Variants in HUWE1 observed in about 807,000 individuals in gnomAD.
HUWE1 encodes the protein HECT, UBA and WWE domain containing E3 ubiquitin protein ligase 1.
A neutral mutation model predicts 299.4 loss-of-function variants in HUWE1; 18 were observed. The ratio of observed to expected loss-of-function variants is 0.06; its 90% CI spans 0.04 to 0.09. HUWE1 has a LOEUF of 0.09. Among genes scored for constraint, HUWE1 ranks in the 10% least tolerant of loss-of-function variants. HUWE1 has a pLI of 1.00. For synonymous variants in HUWE1, 1,317 were observed against 1,286.1 expected, an observed-to-expected ratio of 1.02 and a Z score of -0.51; for missense variants, 1,832 against 3,462.3, an observed-to-expected ratio of 0.53 and a Z score of 11.82.
chrX:53,582,762 CTT>C (rs1294870292), intron 42 of HUWE1, among the ~76,000 whole-genome samples: 1 of 105,448 alleles, frequency 9.5e-6, no homozygotes. Context: ...CTGTTGTCTT[CTT>C]TTTTTTTTTC....
At chrX:53,566,117 A>ATGTATG (rs1556945627) in intron 49 of HUWE1, among the ~76,000 whole-genome samples, 2 of 54,310 alleles carry the variant, frequency 3.7e-5, no homozygotes, top group Admixed American at 2.8e-4. Context: ...GTATGTATGT[A>ATGTATG]TGTGTGTGTG....
intron 21 of HUWE1, among the ~76,000 whole-genome samples, chrX:53,616,531 A>C (rs1557007557): frequency 8.9e-6 from 1 of 111,845 alleles, no homozygotes; most frequent in Non-Finnish European, 1.9e-5. Flanking sequence ...TGAAAACTGT[A>C]ATCTTTCTGG....
At chrX:53,586,416 T>C in intron 39 of HUWE1, 74 bp downstream of exon 39, 1 of 648,526 alleles carries the variant, frequency 1.5e-6, no homozygotes, top group Non-Finnish European at 2.6e-6. Flanking sequence ...CACTACTCTC[T>C]CATATTCTCT....
At position 53,573,246 on chromosome X, in the gene HUWE1, G is replaced by GT. The variant is rs199608213; in HGVS notation, c.6312+503dup. On this transcript the variant is annotated intron_variant, in intron 47 of 83. Coordinates refer to ENST00000262854, the MANE Select transcript of HUWE1 (RefSeq NM_031407.7). ...ATGAAAAAAGGCCTAGCTCTTTCAG[G>GT]TTTTTTTTGAGACAGAGTTTTGCTC... Among the ~76,000 whole-genome samples the GT allele has an allele frequency of 7.8e-3, 863 of 110,894 alleles. 9 individuals carry two copies. Among genetic ancestry groups the GT allele is most frequent in the African/African-American group, 0.027 (821 of 30,494 alleles).
chrX:53,621,749 C>T (rs1180190884), intron 19 of HUWE1, among the ~76,000 whole-genome samples: 2 of 111,799 alleles, frequency 1.8e-5, no homozygotes, highest in Non-Finnish European at 3.8e-5. Context: ...ACAGAGAATG[C>T]CACCTACATA....
intron 32 of HUWE1, 121 bp from the exon 33 acceptor site, chrX:53,592,749 C>T: frequency 1.8e-6 from 1 of 549,708 alleles, no homozygotes; most frequent in Non-Finnish European, 3.1e-6. Flanking sequence ...AAATAATTGG[C>T]CAACATGAGG....
At chrX:53,612,722 C>T (rs1316886133) in intron 23 of HUWE1, among the ~76,000 whole-genome samples, 1 of 111,902 alleles carries the variant, frequency 8.9e-6, no homozygotes, top group Admixed American at 9.5e-5. Context: ...ACCAACCTAC[C>T]TCCTTCAAGA....
chrX:53,552,505 C>T, intron 62 of HUWE1, 64 bp from the exon 63 acceptor site: 1 of 1,201,412 alleles, frequency 8.3e-7, no homozygotes, highest in Non-Finnish European at 1.1e-6. Flanking sequence ...AACACTGCTA[C>T]AATACCCCTT....
At chrX:53,576,517 T>C (rs957286069) in intron 44 of HUWE1, among the ~76,000 whole-genome samples, 2 of 112,155 alleles carry the variant, frequency 1.8e-5, no homozygotes, top group Non-Finnish European at 3.8e-5. Flanking sequence ...TGTCTTATTT[T>C]CAACCTCTCA....
intron 39 of HUWE1, among the ~76,000 whole-genome samples, chrX:53,585,389 G>A (rs2063807494): frequency 8.9e-6 from 1 of 112,443 alleles, no homozygotes; most frequent in South Asian, 3.7e-4. Flanking sequence ...TTAAAAACAT[G>A]TCTTCTAAAG....
chrX:53,665,067 G>A (rs193004494), intron 3 of HUWE1, among the ~76,000 whole-genome samples: 81 of 111,650 alleles, frequency 7.3e-4, no homozygotes, highest in Non-Finnish European at 1.3e-3. Flanking sequence ...TACCTATTAA[G>A]TGGTAAAACG....
intron 34 of HUWE1, 119 bp from the exon 35 acceptor site, chrX:53,590,618 G>C (rs367872917): frequency 1.3e-4 from 70 of 557,012 alleles, no homozygotes; most frequent in South Asian, 1.2e-3. Context: ...GAGAGGAAGG[G>C]CCTCAAAATG....
chrX:53,684,758 G>T (rs1479914538), intron 2 of HUWE1, among the ~76,000 whole-genome samples: 2 of 111,644 alleles, frequency 1.8e-5, no homozygotes, highest in African/African-American at 6.5e-5. Flanking sequence ...TTGCCCATTA[G>T]ATAGGGAAAA....
intron 7 of HUWE1, among the ~76,000 whole-genome samples, chrX:53,636,061 T>G (rs2067191787): frequency 8.9e-6 from 1 of 112,498 alleles, no homozygotes; most frequent in Non-Finnish European, 1.9e-5. Context: ...GGTACATAAC[T>G]AGCACCACCT....
chrX:53,586,061 C>CA (rs1238647410), intron 39 of HUWE1, among the ~76,000 whole-genome samples: 6 of 112,044 alleles, frequency 5.4e-5, no homozygotes, highest in Non-Finnish European at 5.6e-5. Context: ...TTTTCCTAGA[C>CA]AAAAAAACTA....
intron 44 of HUWE1, 81 bp downstream of exon 44, chrX:53,576,819 A>C (rs1602757110): frequency 6.0e-6 from 6 of 1,004,171 alleles, no homozygotes; most frequent in African/African-American, 5.6e-5. Context: ...GTGCTCACTA[A>C]GCCATGAGTT....
Position 53,573,791 on chromosome X carries a change from T to C in HUWE1, c.6271A>G (p.Asn2091Asp). 8.3e-7 allele frequency: 1 copy of C among 1,211,358 alleles called. No homozygotes were observed. Among genetic ancestry groups the C allele is most frequent in the Non-Finnish European group, 1.1e-6 (1 of 894,890 alleles). The change falls in exon 47 of 84, where the codon AAC (asparagine) becomes GAC (aspartate). Residue 2091 changes from asparagine to aspartate, a missense_variant. Asn to Asp is a conservative substitution (Grantham distance 23, BLOSUM62 1). Around this residue, in one of 15 missense-constraint regions of HUWE1, gnomAD observed 157 missense variants for 252.3 expected, o/e 0.62. Transcript: ENST00000262854. Reference protein sequence around the residue: ...SYVGIATLIANYSYTVGQSEL... With the variant: ...SYVGIATLIADYSYTVGQSEL... ...GACTGGCCCACAGTGTAGCTGTAGT[T>C]GGCAATCAGGGTAGCAATACCAACA...
At chrX:53,640,082 C>T (rs2067478384) in intron 7 of HUWE1, among the ~76,000 whole-genome samples, 1 of 112,993 alleles carries the variant, frequency 8.9e-6, no homozygotes, top group African/African-American at 3.2e-5. Flanking sequence ...CCCACAAGGA[C>T]AGGCAGTGGC....
At chrX:53,608,810 A>G (rs782673553) in intron 24 of HUWE1, 42 bp downstream of exon 24, 2 of 804,141 alleles carry the variant, frequency 2.5e-6, no homozygotes, top group Non-Finnish European at 3.8e-6. Context: ...CCAGAAAAGC[A>G]CATATACATC....
Sources: allele counts gnomAD v4.1 joint callset (sites outside exome capture counted in the v4.1 genomes callset), GRCh38; gene constraint gnomAD v4.1.1; regional missense constraint gnomAD v4.1.1; transcripts MANE v1.5; gene names NCBI Gene and HGNC (gene_info 2026-07-23, HGNC 2026-07-21).